SLC24A4: variants seen among roughly 807,000 people sequenced by gnomAD.
SLC24A4 encodes the protein sodium/potassium/calcium exchanger 4.
Under a neutral mutation model 79.0 loss-of-function variants are expected in SLC24A4, and 53 were observed. The observed-to-expected ratio is 0.67, with a 90% CI of 0.54 to 0.84. The LOEUF (loss-of-function observed/expected upper bound fraction) is 0.84, where lower values mean the gene tolerates loss of function less well. Among genes scored for constraint, SLC24A4 ranks in the 40% least tolerant of loss-of-function variants. The pLI is 0.00. For synonymous variants in SLC24A4, 323 were observed against 323.8 expected (o/e 1.00, Z 0.03); for missense variants, 731 against 822.0 (o/e 0.89, Z 1.35).
chr14:92,375,982 T>C (rs761227641), intron 2 of SLC24A4, among the ~76,000 whole-genome samples: 42 of 152,362 alleles, frequency 2.8e-4, no homozygotes, highest in Admixed American at 9.1e-4. Context: ...AATTGGACAC[T>C]ATAAAATGAC....
At chr14:92,367,384 G>T (rs749245960) in intron 2 of SLC24A4, among the ~76,000 whole-genome samples, 3 of 152,268 alleles carry the variant, frequency 2.0e-5, no homozygotes, top group Non-Finnish European at 2.9e-5. Flanking sequence ...AACCAAGGCA[G>T]AGGGAGGCCA....
chr14:92,424,726 A>G (rs1438309467), intron 2 of SLC24A4, among the ~76,000 whole-genome samples: 1 of 151,946 alleles, frequency 6.6e-6, no homozygotes, highest in Non-Finnish European at 1.5e-5. Flanking sequence ...AAAAATATAT[A>G]TAAGCTGGAT....
At chr14:92,387,888 T>G (rs1889254244) in intron 2 of SLC24A4, among the ~76,000 whole-genome samples, 1 of 152,370 alleles carries the variant, frequency 6.6e-6, no homozygotes, top group Non-Finnish European at 1.5e-5. Flanking sequence ...GTCCTACCTT[T>G]TAAAGGCTGA....
At chr14:92,396,907 G>A (rs1413327924) in intron 2 of SLC24A4, among the ~76,000 whole-genome samples, 3 of 151,408 alleles carry the variant, frequency 2.0e-5, no homozygotes, top group Non-Finnish European at 4.4e-5. Context: ...GGGATTATAG[G>A]GCACCACTTC....
chr14:92,412,332 C>A (rs978985811), intron 2 of SLC24A4, among the ~76,000 whole-genome samples: 2 of 152,160 alleles, frequency 1.3e-5, no homozygotes, highest in Non-Finnish European at 2.9e-5. Context: ...TGTGTGGGAC[C>A]AGCCCCACCC....
At position 92,482,796 on chromosome 14, in the gene SLC24A4, A is replaced by G; in HGVS notation, c.1372A>G (p.Ile458Val). ...GGAGAAGTTCTTCATGGTCACCTTC[A>G]TCACCGCCACGCTGTGGATCGCTGT... ...RWEKFFMVTF[I>V]TATLWIAVFS... Residue 458 changes from isoleucine to valine, a missense_variant, in exon 13 of 17, where the codon ATC (isoleucine) becomes GTC (valine). Coordinates refer to ENST00000532405, the MANE Select transcript of SLC24A4 (RefSeq NM_153646.4). 1.2e-6 allele frequency: 2 copies of G among 1,614,054 alleles called. No individual in the cohort carries two copies. Among genetic ancestry groups the G allele is most frequent in the East Asian group, 2.2e-5 (1 of 44,872 alleles).
chr14:92,345,110 T>A lies in SLC24A4; in HGVS notation c.241+19132T>A, dbSNP rs181945085. Among the ~76,000 whole-genome samples, 5 of 152,214 alleles carry A rather than the reference T, an allele frequency of 3.3e-5. No individual in the cohort carries two copies. In the East Asian group the frequency reaches 9.7e-4, roughly 29 times the overall value. The stretch of plus-strand genomic sequence containing the variant: ...GGTGCTTTGTGCCCTAATGCAAAAT[T>A]CAGGACAACCCCCGAGTTGCAGGAT... On this transcript the variant is annotated intron_variant, in intron 2 of 16. Coordinates refer to ENST00000532405, the MANE Select transcript of SLC24A4 (RefSeq NM_153646.4).
intron 2 of SLC24A4, among the ~76,000 whole-genome samples, chr14:92,429,471 T>C (rs8017479): frequency 0.58 from 88,005 of 152,116 alleles, 25,879 homozygotes; most frequent in East Asian, 0.82. Flanking sequence ...ATTAAATGTT[T>C]CAAGATCAAG....
In SLC24A4 at chr14:92,379,493, G is replaced by A. The variant is rs545639480; in HGVS notation, c.241+53515G>A. ...GAATAATCTAGGAGGGGAAGGACCC[G>A]GCTTCAGCCCGAGTTTGTTGGGGGG... On this transcript the variant is annotated intron_variant, in intron 2 of 16. Transcript: ENST00000532405. 6.6e-5 allele frequency among the ~76,000 whole-genome samples: 10 copies of A among 152,214 alleles called. No homozygotes were observed. In the South Asian group the frequency reaches 2.1e-3, roughly 32 times the overall value.
chr14:92,411,402 T>A lies in SLC24A4; in HGVS notation c.242-22510T>A, dbSNP rs80259937. Among the ~76,000 whole-genome samples, 196 of 152,148 alleles carry A rather than the reference T, an allele frequency of 1.3e-3. 2 individuals are homozygous for A. In the East Asian group the frequency reaches 0.032, roughly 25 times the overall value. On this transcript the variant is annotated intron_variant, in intron 2 of 16. Coordinates refer to ENST00000532405, the MANE Select transcript of SLC24A4 (RefSeq NM_153646.4). ...CTCATTTTCTCTCTCTCCCAGTGAG[T>A]TACTGCTAATAGCAAACATTTTTCC... is the stretch of plus-strand genomic sequence containing the variant.
chr14:92,488,796 A>G (rs1895515539), intron 14 of SLC24A4, among the ~76,000 whole-genome samples: 1 of 152,220 alleles, frequency 6.6e-6, no homozygotes, highest in African/African-American at 2.4e-5. Flanking sequence ...ACAGATGACA[A>G]GTTCATCCCT....
At chr14:92,335,076 G>A (rs1429092285) in intron 2 of SLC24A4, among the ~76,000 whole-genome samples, 3 of 152,112 alleles carry the variant, frequency 2.0e-5, no homozygotes, top group Non-Finnish European at 2.9e-5. Flanking sequence ...AAGTCACGCG[G>A]CCAACAAAAA....
intron 2 of SLC24A4, among the ~76,000 whole-genome samples, chr14:92,336,714 C>T (rs766443452): frequency 1.3e-5 from 2 of 152,308 alleles, no homozygotes; most frequent in Admixed American, 6.5e-5. Flanking sequence ...AGCCACCTGC[C>T]GCAAATACCA....
chr14:92,416,921 C>T (rs940007686), intron 2 of SLC24A4, among the ~76,000 whole-genome samples: 1 of 152,040 alleles, frequency 6.6e-6, no homozygotes, highest in African/African-American at 2.4e-5. Context: ...AGTCATTCTA[C>T]ACATATTAAG....
At position 92,388,955 on chromosome 14, in the gene SLC24A4, AAAACAAAC is replaced by A. The variant is rs374184248; in HGVS notation, c.242-44940_242-44933del. Among the ~76,000 whole-genome samples, 8 of 152,008 alleles carry A rather than the reference AAAACAAAC, an allele frequency of 5.3e-5. No individual in the cohort carries two copies. In the South Asian group the frequency reaches 1.7e-3, roughly 32 times the overall value. On this transcript the variant is annotated intron_variant, in intron 2 of 16. Coordinates refer to ENST00000532405, the MANE Select transcript of SLC24A4 (RefSeq NM_153646.4). ...CAGACTTTGCGTTGAGTTTGCTCTA[AAAACAAAC>A]AAACAAACAAACAAACTCACTTTGG... is the stretch of plus-strand genomic sequence containing the variant.
intron 11 of SLC24A4, among the ~76,000 whole-genome samples, chr14:92,455,219 A>G (rs1893387156): frequency 6.6e-6 from 1 of 152,198 alleles, no homozygotes; most frequent in Non-Finnish European, 1.5e-5. Flanking sequence ...TAGCCCACTT[A>G]ATGTGAGGGT....
chr14:92,483,954 C>T lies in SLC24A4; in HGVS notation c.1422+1108C>T, dbSNP rs185120113. ...ACCTTTCCCTTAACTCCAGAGAAACCGTGTCGTTTGGTGGGGAACAAAGGA... is the reference window on the plus strand; with the variant it reads ...ACCTTTCCCTTAACTCCAGAGAAACTGTGTCGTTTGGTGGGGAACAAAGGA... On this transcript the variant is annotated intron_variant, in intron 13 of 16. Transcript: ENST00000532405. 4.6e-5 allele frequency: 57 copies of T among 1,238,164 alleles called. No homozygotes were observed. In the East Asian group the frequency reaches 5.7e-4, roughly 12 times the overall value. 76.7% of individuals were successfully genotyped at this position (1,238,164 alleles called of 1,614,324 possible).
Position 92,496,427 on chromosome 14 carries a change from G to T in SLC24A4, c.*2799G>T, listed in dbSNP as rs1264130049. 6.6e-6 allele frequency: 1 copy of T among 151,916 alleles called. No homozygotes were observed. Among genetic ancestry groups the T allele is most frequent in the Non-Finnish European group, 1.5e-5 (1 of 67,992 alleles). 9.4% of individuals were successfully genotyped at this position (151,916 alleles called of 1,614,324 possible). A position where few individuals can be genotyped will look rare whatever the true frequency, so the allele number is the denominator to read the frequency against. On this transcript the variant is annotated 3_prime_UTR_variant, in exon 17 of 17. Coordinates refer to ENST00000532405, the MANE Select transcript of SLC24A4 (RefSeq NM_153646.4). ...AGCATGGGATAATTACTCTGCTACA[G>T]AAATAGGCAATTTAAAAAAATGAAT...
At position 92,362,180 on chromosome 14, in the gene SLC24A4, C is replaced by T. The variant is rs1016594076; in HGVS notation, c.241+36202C>T. Among the ~76,000 whole-genome samples, 13 of 150,622 alleles carry T rather than the reference C, an allele frequency of 8.6e-5. No homozygotes were observed. In the South Asian group the frequency reaches 1.1e-3, roughly 12 times the overall value. ...GGACCCCAGCTTCTCTGTCTAACCC[C>T]GGCCTGAATCCTTGCTGACCTCAGG... On this transcript the variant is annotated intron_variant, in intron 2 of 16. Transcript: ENST00000532405.
Sources: gnomAD v4.1 joint callset for allele counts (sites outside exome capture counted in the v4.1 genomes callset) on GRCh38, gnomAD v4.1.1 for gene constraint, MANE v1.5 for transcripts, NCBI Gene and HGNC (gene_info 2026-07-23, HGNC 2026-07-21) for gene names.